The following HIF1A variants were observed in gnomAD, a reference collection of about 807,000 sequenced individuals.
The protein encoded by HIF1A is hypoxia-inducible factor 1-alpha.
HIF1A carries 24 observed loss-of-function variants against 92.7 expected under a neutral mutation model. That is an observed-to-expected ratio of 0.26 (90% CI 0.19 to 0.36). HIF1A has a LOEUF of 0.36. HIF1A is among the 10% of genes least tolerant of loss of function. The pLI is 1.00. For synonymous variants in HIF1A, 319 were observed against 338.7 expected (o/e 0.94, Z 0.64); for missense variants, 799 against 998.5 (o/e 0.80, Z 2.69).
chr14:61,718,966 G>C (rs1381997067), intron 1 of HIF1A, among the ~76,000 whole-genome samples: 2 of 152,114 alleles, frequency 1.3e-5, no homozygotes, highest in African/African-American at 4.8e-5. Context: ...ACACAAACTT[G>C]AGTAAGTACT....
At chr14:61,710,844 A>C (rs1359307700) in intron 1 of HIF1A, among the ~76,000 whole-genome samples, 8 of 152,124 alleles carry the variant, frequency 5.3e-5, no homozygotes, top group African/African-American at 1.9e-4. Flanking sequence ...GCGGATCAAG[A>C]GGTCAGGAGT....
intron 4 of HIF1A, among the ~76,000 whole-genome samples, chr14:61,725,194 A>G (rs1187326433): frequency 1.3e-5 from 2 of 152,074 alleles, no homozygotes; most frequent in East Asian, 1.9e-4. Flanking sequence ...TCCTTCTTTA[A>G]AGCATTTTTA....
intron 4 of HIF1A, among the ~76,000 whole-genome samples, chr14:61,724,349 T>TCTCTCTCTCTCTCTCTCTCTCTC (rs1555338397): frequency 3.1e-5 from 3 of 96,116 alleles, no homozygotes; most frequent in Admixed American, 1.3e-4. Flanking sequence ...CACACACACA[T>TCTCTCTCTCTCTCTCTCTCTCTC]TCTCTCTCTC....
intron 12 of HIF1A, 113 bp downstream of exon 12, chr14:61,741,301 C>A: frequency 3.1e-6 from 2 of 648,206 alleles, no homozygotes; most frequent in Non-Finnish European, 5.1e-6. Context: ...TATGCCCTAA[C>A]GCAAATTCTT....
At position 61,702,273 on chromosome 14, in the gene HIF1A, CAA is replaced by C. The variant is rs34312928; in HGVS notation, c.35+6452_35+6453del. On this transcript the variant is annotated intron_variant, in intron 1 of 14. Coordinates refer to ENST00000337138, the MANE Select transcript of HIF1A (RefSeq NM_001530.4). The stretch of plus-strand genomic sequence containing the variant: ...AGAAACCCCGTCTCTACTAAAAATA[CAA>C]AAAAAAAAAAAAAAAAATAGCAGGA... 1.8e-3 allele frequency among the ~76,000 whole-genome samples: 180 copies of C among 101,966 alleles called. 1 individual carries two copies. The highest frequency in any genetic ancestry group is 6.5e-3 in the African/African-American group (156 of 24,076). The allele number at this position is 101,966 out of a possible 152,430, so 66.9% of individuals were successfully genotyped here.
At chr14:61,745,249 C>T (rs184762786) in intron 13 of HIF1A, among the ~76,000 whole-genome samples, 1 of 152,226 alleles carries the variant, frequency 6.6e-6, no homozygotes, top group African/African-American at 2.4e-5. Flanking sequence ...TTGGTGAAAC[C>T]CTGTCTCTAC....
At chr14:61,741,399 C>T (rs539959573) in intron 12 of HIF1A, among the ~76,000 whole-genome samples, 42 of 134,796 alleles carry the variant, frequency 3.1e-4, no homozygotes, top group African/African-American at 1.1e-3. Flanking sequence ...CTCGCTTTGT[C>T]GCCCAGGCTG....
chr14:61,706,200 A>AT (rs1365333896), intron 1 of HIF1A, among the ~76,000 whole-genome samples: 1 of 152,146 alleles, frequency 6.6e-6, no homozygotes, highest in Non-Finnish European at 1.5e-5. Context: ...AGAGTAGGTA[A>AT]TTTGGGGAAA....
chr14:61,711,814 T>A (rs984457955), intron 1 of HIF1A, among the ~76,000 whole-genome samples: 2 of 152,254 alleles, frequency 1.3e-5, no homozygotes, highest in African/African-American at 2.4e-5. Flanking sequence ...TAAATGGTTG[T>A]TTTTGTACAC....
At chr14:61,701,321 G>A (rs2044173459) in intron 1 of HIF1A, among the ~76,000 whole-genome samples, 1 of 152,154 alleles carries the variant, frequency 6.6e-6, no homozygotes, top group African/African-American at 2.4e-5. Context: ...AAAATGTAGT[G>A]ATGGAACATA....
chr14:61,733,607 T>C (rs1220442433), intron 7 of HIF1A, among the ~76,000 whole-genome samples: 1 of 152,232 alleles, frequency 6.6e-6, no homozygotes, highest in Non-Finnish European at 1.5e-5. Context: ...AAGTCTGCAG[T>C]CAGGACACCC....
At chr14:61,727,388 T>G (rs1169336986) in intron 5 of HIF1A, 65 bp from the exon 6 acceptor site, 16 of 1,210,370 alleles carry the variant, frequency 1.3e-5, no homozygotes, top group Non-Finnish European at 2.0e-5. Flanking sequence ...CAACTACTTA[T>G]CTCTGCTTTT....
chr14:61,714,472 T>C (rs2044341243), intron 1 of HIF1A, among the ~76,000 whole-genome samples: 1 of 152,212 alleles, frequency 6.6e-6, no homozygotes, highest in African/African-American at 2.4e-5. Flanking sequence ...TGGGAAATGA[T>C]GGAATTAAAA....
intron 1 of HIF1A, among the ~76,000 whole-genome samples, chr14:61,706,251 C>T (rs1252654590): frequency 6.6e-6 from 1 of 152,162 alleles, no homozygotes; most frequent in Non-Finnish European, 1.5e-5. Flanking sequence ...AGTGATTCTT[C>T]ACTCTTGAAT....
intron 1 of HIF1A, among the ~76,000 whole-genome samples, chr14:61,696,348 G>A (rs532679112): frequency 6.6e-6 from 1 of 152,382 alleles, no homozygotes; most frequent in Admixed American, 6.5e-5. Flanking sequence ...TGGACTTGGG[G>A]CCTTGAGTTC....
At chr14:61,717,677 CG>C (rs2044378751) in intron 1 of HIF1A, among the ~76,000 whole-genome samples, 2 of 152,136 alleles carry the variant, frequency 1.3e-5, no homozygotes, top group Non-Finnish European at 2.9e-5. Context: ...AAGTTCTGGA[CG>C]ATACGTGTAT....
Position 61,747,627 on chromosome 14 carries a change from A to T in HIF1A, c.*542A>T, listed in dbSNP as rs2044810491. 6.6e-6 allele frequency: 1 copy of T among 152,608 alleles called. No homozygotes were observed. Among genetic ancestry groups the T allele is most frequent in the Non-Finnish European group, 1.5e-5 (1 of 68,004 alleles). The allele number at this position is 152,608 out of a possible 1,614,324, so 9.5% of individuals were successfully genotyped here. A position where few individuals can be genotyped will look rare whatever the true frequency, so the allele number is the denominator to read the frequency against. ...TTTATAAAACTAGTTTTTAAGAAGAAATTTTTTTTGGCCTATGAAATTGTT... is the reference window on the plus strand; with the variant it reads ...TTTATAAAACTAGTTTTTAAGAAGATATTTTTTTTGGCCTATGAAATTGTT... On this transcript the variant is annotated 3_prime_UTR_variant, in exon 15 of 15. Transcript: ENST00000337138.
intron 1 of HIF1A, chr14:61,697,831 A>G (rs1186645573): frequency 5.3e-6 from 8 of 1,496,888 alleles, no homozygotes; most frequent in Admixed American, 4.9e-5. Flanking sequence ...TTCTTCAAGC[A>G]ATTTTTTTTT....
chr14:61,714,028 A>T (rs1043945860), intron 1 of HIF1A, among the ~76,000 whole-genome samples: 1 of 151,578 alleles, frequency 6.6e-6, no homozygotes, highest in Non-Finnish European at 1.5e-5. Context: ...AGAGGGGGGA[A>T]AAAAGCTGTT....
Sources: allele counts gnomAD v4.1 joint callset (sites outside exome capture counted in the v4.1 genomes callset), GRCh38; gene constraint gnomAD v4.1.1; transcripts MANE v1.5; gene names NCBI Gene and HGNC (gene_info 2026-07-23, HGNC 2026-07-21).